The following TTLL7 variants were observed in gnomAD, a reference collection of about 807,000 sequenced individuals.
TTLL7 encodes the protein tubulin polyglutamylase TTLL7.
TTLL7 carries 53 observed loss-of-function variants against 120.2 expected under a neutral mutation model. The observed-to-expected ratio is 0.44, with a 90% CI of 0.35 to 0.55. The LOEUF (loss-of-function observed/expected upper bound fraction) is 0.55. TTLL7 is among the 20% of genes least tolerant of loss of function. The pLI is 0.00. For synonymous variants in TTLL7, 353 were observed against 351.7 expected, an observed-to-expected ratio of 1.00 and a Z score of -0.04; for missense variants, 803 against 1,054.7, an observed-to-expected ratio of 0.76 and a Z score of 3.31.
At chr1:83,947,472 T>G in intron 5 of TTLL7, 190 bp from the exon 6 acceptor site, 1 of 492,874 alleles carries the variant, frequency 2.0e-6, no homozygotes, top group East Asian at 3.8e-5. Context: ...TTCTGGACTA[T>G]GGATTCATCA....
intron 7 of TTLL7, among the ~76,000 whole-genome samples, chr1:83,939,573 T>C (rs539010427): frequency 3.3e-4 from 51 of 152,274 alleles, no homozygotes; most frequent in African/African-American, 1.2e-3. Context: ...ATGAACCATA[T>C]AGCAATCTGC....
At position 83,922,123 on chromosome 1, in the gene TTLL7, T is replaced by A. The variant is rs368681482; in HGVS notation, c.1143-729A>T. ...CTTCAACTTAAACTCTACCATACCA[T>A]CATTGAAAGACCTAGCAGGAACAGG... is the stretch of plus-strand genomic sequence containing the variant. On this transcript the variant is annotated intron_variant, in intron 10 of 20. Transcript: ENST00000260505. 3.3e-5 allele frequency among the ~76,000 whole-genome samples: 5 copies of A among 151,956 alleles called. 1 individual carries two copies.
At chr1:83,890,624 G>T in intron 18 of TTLL7, 143 bp from the exon 19 acceptor site, 3 of 584,370 alleles carry the variant, frequency 5.1e-6, no homozygotes, top group Non-Finnish European at 8.3e-6. Flanking sequence ...TTAAAAATTA[G>T]CCTGGCATTA....
intron 1 of TTLL7, among the ~76,000 whole-genome samples, chr1:83,986,670 AT>A (rs1652479210): frequency 6.6e-6 from 1 of 152,096 alleles, no homozygotes; most frequent in African/African-American, 2.4e-5. Flanking sequence ...TAATTGTGAA[AT>A]CCCCTACTAA....
intron 10 of TTLL7, among the ~76,000 whole-genome samples, chr1:83,924,611 A>C (rs1239000590): frequency 2.0e-4 from 31 of 152,160 alleles, no homozygotes; most frequent in Admixed American, 2.0e-3. Flanking sequence ...ACACAGTTTC[A>C]CTTTTGCAGG....
intron 13 of TTLL7, among the ~76,000 whole-genome samples, chr1:83,917,893 T>C (rs1658328561): frequency 6.6e-6 from 1 of 152,162 alleles, no homozygotes. Context: ...AATTAATACA[T>C]AGCCAAAATC....
chr1:83,971,791 A>G (rs1651011523), intron 1 of TTLL7, among the ~76,000 whole-genome samples: 1 of 152,020 alleles, frequency 6.6e-6, no homozygotes, highest in Non-Finnish European at 1.5e-5. Flanking sequence ...TCCCCACTTC[A>G]GTCTCCCTGT....
Position 83,907,551 on chromosome 1 carries a change from T to C in TTLL7, c.1897A>G (p.Thr633Ala), listed in dbSNP as rs763219274. ...AAGGAATGTGACCGAGATGCAGAAG[T>C]TGGCCGTGACACAGATATCATTTGT... ...AQQMISVSRP[T>A]SASRSHSLNR... Residue 633 changes from threonine to alanine, a missense_variant, in exon 16 of 21, where the codon ACT (threonine) becomes GCT (alanine). By Grantham distance (58) the Thr-to-Ala change is moderately conservative. This residue lies in a region of TTLL7 where 388 missense variants were observed against 450.4 expected (regional missense o/e 0.86). Coordinates refer to ENST00000260505, the MANE Select transcript of TTLL7 (RefSeq NM_024686.6). 1 of 1,613,368 alleles carries C rather than the reference T, an allele frequency of 6.2e-7. No individual in the cohort carries two copies. The highest frequency in any genetic ancestry group is 8.5e-7 in the Non-Finnish European group (1 of 1,179,548).
intron 5 of TTLL7, among the ~76,000 whole-genome samples, chr1:83,947,955 C>A (rs1648669498): frequency 6.6e-6 from 1 of 151,884 alleles, no homozygotes; most frequent in Non-Finnish European, 1.5e-5. Flanking sequence ...ATATAAACTG[C>A]CTAAAAATTT....
chr1:83,883,253 C>T (rs1654676685), intron 19 of TTLL7, 117 bp from the exon 20 acceptor site: 1 of 721,894 alleles, frequency 1.4e-6, no homozygotes. Flanking sequence ...CATACATTTG[C>T]AATAACTATG....
intron 1 of TTLL7, among the ~76,000 whole-genome samples, chr1:83,973,590 G>A (rs1651192295): frequency 6.6e-6 from 1 of 151,926 alleles, no homozygotes; most frequent in African/African-American, 2.4e-5. Context: ...GAATCAGTTT[G>A]TCAATATCCA....
At chr1:83,965,651 C>T (rs1325829297) in intron 1 of TTLL7, among the ~76,000 whole-genome samples, 1 of 152,082 alleles carries the variant, frequency 6.6e-6, no homozygotes, top group African/African-American at 2.4e-5. Context: ...ATTTGAATAT[C>T]TTCTTTAAAC....
rs905830068 is a variant in TTLL7 at position 83,911,173 on chromosome 1, T to G, written c.1778A>C (p.Gln593Pro). 6.2e-7 allele frequency: 1 copy of G among 1,607,030 alleles called. No homozygotes were observed. The highest frequency in any genetic ancestry group is 8.5e-7 in the Non-Finnish European group (1 of 1,174,814). The change falls in exon 15 of 21, where the codon CAA becomes CCA. Residue 593 changes from glutamine to proline, a missense_variant. Coordinates refer to ENST00000260505, the MANE Select transcript of TTLL7 (RefSeq NM_024686.6). The stretch of plus-strand genomic sequence containing the variant: ...AGAAGAAATTGACTTACTGGGTTGT[T>G]GAATTAATTTGTAGTGGTTGGAGGG... ...LKPSNHYKLI[Q>P]QPSSIRRSVS...
intron 18 of TTLL7, among the ~76,000 whole-genome samples, chr1:83,903,002 C>T (rs537930126): frequency 6.6e-6 from 1 of 151,930 alleles, no homozygotes; most frequent in Non-Finnish European, 1.5e-5. Context: ...TTCTATTCTG[C>T]CAAATTCCCA....
chr1:83,995,458 C>T (rs1653392763), intron 1 of TTLL7, among the ~76,000 whole-genome samples: 1 of 151,714 alleles, frequency 6.6e-6, no homozygotes, highest in South Asian at 2.1e-4. Context: ...CACCCCCTCA[C>T]TCTCTCTCTT....
In TTLL7 at chr1:83,951,977, C is replaced by G; in HGVS notation, c.26-1G>C. On this transcript the variant is annotated splice_acceptor_variant, in intron 2 of 20. Transcript: ENST00000260505. LOFTEE classifies it high-confidence loss of function. ...TCCAGGGGAGAGGGTCCCTGAATAA[C>G]TTTAAAAAAATGTAAAATAATCAGA... 1 of 1,598,144 alleles carries G rather than the reference C, an allele frequency of 6.3e-7. No homozygotes were observed. The highest frequency in any genetic ancestry group is 8.5e-7 in the Non-Finnish European group (1 of 1,175,636).
intron 1 of TTLL7, among the ~76,000 whole-genome samples, chr1:83,975,066 C>A (rs1306422438): frequency 6.6e-6 from 1 of 152,090 alleles, no homozygotes; most frequent in Non-Finnish European, 1.5e-5. Context: ...GTGCTCTGCA[C>A]AGTGCCTATT....
Position 83,952,271 on chromosome 1 carries a change from G to A in TTLL7, c.-60C>T. The A allele has an allele frequency of 3.8e-6, 6 of 1,599,108 alleles. No homozygotes were observed. The highest frequency in any genetic ancestry group is 5.1e-6 in the Non-Finnish European group (6 of 1,168,906). On this transcript the variant is annotated 5_prime_UTR_variant, in exon 2 of 21. The change creates a premature stop within an existing upstream ORF in the 5' untranslated region. Transcript: ENST00000260505. ...GCTGTACCAAGCTCTCAGGAAATCT[G>A]GAAATTCCACATTAGTCTAAGTAGG...
chr1:83,960,051 C>G (rs1402109834), intron 1 of TTLL7, among the ~76,000 whole-genome samples: 1 of 152,044 alleles, frequency 6.6e-6, no homozygotes, highest in Non-Finnish European at 1.5e-5. Context: ...TGTTCTTATG[C>G]AAAGAATGTA....
Sources: gnomAD v4.1 joint callset for allele counts (sites outside exome capture counted in the v4.1 genomes callset) on GRCh38, gnomAD v4.1.1 for gene constraint, gnomAD v4.1.1 regional missense constraint, MANE v1.5 for transcripts, NCBI Gene and HGNC (gene_info 2026-07-23, HGNC 2026-07-21) for gene names.